NPAS3: variants seen among roughly 807,000 people sequenced by gnomAD.
NPAS3 encodes the protein neuronal PAS domain protein 3.
In NPAS3, 14 loss-of-function variants were observed where a neutral mutation model predicts 73.1. That is an observed-to-expected ratio of 0.19 (90% CI 0.13 to 0.30). The LOEUF (loss-of-function observed/expected upper bound fraction) is 0.30. Among genes scored for constraint, NPAS3 ranks in the 10% least tolerant of loss-of-function variants. The probability of loss-of-function intolerance (pLI) is 1.00; values close to 1 mark genes in which losing one functional copy is unlikely to be tolerated. For missense variants in NPAS3, 1,096 were observed against 1,250.0 expected, an observed-to-expected ratio of 0.88 and a Z score of 1.86; for synonymous variants, 620 against 541.5, an observed-to-expected ratio of 1.14 and a Z score of -2.01.
chr14:33,143,261 G>A (rs2044121006), intron 2 of NPAS3, among the ~76,000 whole-genome samples: 1 of 152,224 alleles, frequency 6.6e-6, no homozygotes, highest in Non-Finnish European at 1.5e-5. Context: ...GGAGGCCAAG[G>A]CGGGTGGATC....
intron 6 of NPAS3, among the ~76,000 whole-genome samples, chr14:33,728,306 G>A (rs755310423): frequency 1.7e-4 from 26 of 152,166 alleles, no homozygotes; most frequent in Non-Finnish European, 3.5e-4. Flanking sequence ...CATATTTTAG[G>A]TGGGTTATTT....
At chr14:33,268,521 T>C (rs1163672740) in intron 3 of NPAS3, among the ~76,000 whole-genome samples, 1 of 152,202 alleles carries the variant, frequency 6.6e-6, no homozygotes, top group Admixed American at 6.5e-5. Flanking sequence ...GATTTCTTTA[T>C]TTCTCCTTTA....
chr14:33,521,892 C>CT (rs1205397587), intron 4 of NPAS3, among the ~76,000 whole-genome samples: 1 of 152,058 alleles, frequency 6.6e-6, no homozygotes, highest in African/African-American at 2.4e-5. Flanking sequence ...GCCGCCGGAG[C>CT]TTTTCTTTTC....
chr14:33,362,739 T>A lies in NPAS3; in HGVS notation c.386-4447T>A, dbSNP rs148844345. 9.9e-4 allele frequency among the ~76,000 whole-genome samples: 150 copies of A among 152,236 alleles called. 1 individual carries two copies. Among genetic ancestry groups the A allele is most frequent in the African/African-American group, 3.3e-3 (137 of 41,530 alleles). ...GTTCCTGAGATACTACCTGCCGAAC[T>A]TTAAGACTACATTTGCCCGTGATGC... On this transcript the variant is annotated intron_variant, in intron 3 of 11. Coordinates refer to ENST00000356141, the Ensembl canonical transcript of NPAS3.
intron 4 of NPAS3, among the ~76,000 whole-genome samples, chr14:33,490,556 T>C (rs1232795922): frequency 3.3e-5 from 5 of 152,106 alleles, no homozygotes; most frequent in Admixed American, 2.0e-4. Flanking sequence ...CATGGAGTTT[T>C]GGAGAAGGGT....
At chr14:33,627,665 A>G (rs768472438) in intron 5 of NPAS3, among the ~76,000 whole-genome samples, 26 of 152,246 alleles carry the variant, frequency 1.7e-4, no homozygotes, top group Admixed American at 5.9e-4. Flanking sequence ...AAGAACATCA[A>G]TAACAAAAAG....
chr14:33,569,899 C>G (rs2056132091), intron 5 of NPAS3, among the ~76,000 whole-genome samples: 1 of 152,170 alleles, frequency 6.6e-6, no homozygotes, highest in Non-Finnish European at 1.5e-5. Context: ...AGTGCTAGCT[C>G]TATCTATGGT....
At position 33,797,872 on chromosome 14, in the gene NPAS3, A is replaced by G. The variant is rs533870921; in HGVS notation, c.1426+291A>G. Among the ~76,000 whole-genome samples the G allele has an allele frequency of 9.2e-5, 14 of 151,820 alleles. No homozygotes were observed. In the East Asian group the frequency reaches 2.3e-3, roughly 25 times the overall value. ...TGTGTGTATATATATACATATATATATATATATGTTTTTGTGTGTATATAT... is the reference window on the plus strand; with the variant it reads ...TGTGTGTATATATATACATATATATGTATATATGTTTTTGTGTGTATATAT... On this transcript the variant is annotated intron_variant, in intron 11 of 11. Coordinates refer to ENST00000356141, the Ensembl canonical transcript of NPAS3.
intron 5 of NPAS3, among the ~76,000 whole-genome samples, chr14:33,636,262 G>A (rs1037349482): frequency 6.6e-6 from 1 of 152,182 alleles, no homozygotes. Context: ...GTGTCTGCCT[G>A]TAATAGGTGT....
intron 2 of NPAS3, among the ~76,000 whole-genome samples, chr14:33,211,139 T>C (rs1952084): frequency 0.9 from 137,688 of 152,242 alleles, 62,941 homozygotes; most frequent in Non-Finnish European, 0.97. Context: ...TAACGACAAC[T>C]TTATAAAGTA....
chr14:33,393,578 C>T (rs532498720), intron 4 of NPAS3, among the ~76,000 whole-genome samples: 2 of 152,240 alleles, frequency 1.3e-5, no homozygotes, highest in Admixed American at 6.5e-5. Flanking sequence ...GGAGAGGAAA[C>T]TTTAATTACT....
intron 3 of NPAS3, among the ~76,000 whole-genome samples, chr14:33,298,624 T>C (rs1047965042): frequency 6.6e-6 from 1 of 152,190 alleles, no homozygotes; most frequent in African/African-American, 2.4e-5. Context: ...TCCTTTCCTA[T>C]ATGTTTTCCC....
chr14:33,095,695 G>A lies in NPAS3; in HGVS notation c.140+39701G>A, dbSNP rs547184813. 4.7e-4 allele frequency among the ~76,000 whole-genome samples: 56 copies of A among 118,638 alleles called. 1 individual carries two copies. In the South Asian group the frequency reaches 0.014, roughly 30 times the overall value. The allele number at this position is 118,638 out of a possible 152,430, so 77.8% of individuals were successfully genotyped here. ...ATTTTTTTTTTTTTTTTGAGAGGGAGTCTCGCTCTGTCGCCCAGGCTGGAG... is the reference window on the plus strand; with the variant it reads ...ATTTTTTTTTTTTTTTTGAGAGGGAATCTCGCTCTGTCGCCCAGGCTGGAG... On this transcript the variant is annotated intron_variant, in intron 2 of 11. Transcript: ENST00000356141.
intron 1 of NPAS3, among the ~76,000 whole-genome samples, chr14:32,977,356 G>GCACGCGCACACA (rs71432100): frequency 7.1e-6 from 1 of 141,448 alleles, no homozygotes; most frequent in Non-Finnish European, 1.5e-5. Context: ...TCTCTGACAC[G>GCACGCGCACACA]CACACACACA....
chr14:33,160,641 T>TAA (rs563075717), intron 2 of NPAS3, among the ~76,000 whole-genome samples: 4 of 141,044 alleles, frequency 2.8e-5, no homozygotes, highest in Admixed American at 7.1e-5. Flanking sequence ...AAAGTATAAT[T>TAA]AAAAAAAAAA....
intron 3 of NPAS3, among the ~76,000 whole-genome samples, chr14:33,354,178 T>A (rs373507490): frequency 2.0e-5 from 3 of 152,142 alleles, no homozygotes; most frequent in African/African-American, 7.2e-5. Context: ...CTTTAAAAAA[T>A]ATCCCTTAAG....
At chr14:33,778,513 G>A in exon 9 of NPAS3, 1 of 1,614,004 alleles carries the variant, frequency 6.2e-7, no homozygotes, top group South Asian at 1.1e-5. Flanking sequence ...GTAGGGAAGA[G>A]ATGCTACCAC....
chr14:33,485,066 G>A (rs771055363), intron 4 of NPAS3, among the ~76,000 whole-genome samples: 4 of 152,276 alleles, frequency 2.6e-5, no homozygotes, highest in Middle Eastern at 3.4e-3. Flanking sequence ...AGTACCTTTG[G>A]AGAGGTAGGT....
chr14:33,021,265 C>G (rs1165785741), intron 1 of NPAS3, among the ~76,000 whole-genome samples: 1 of 152,140 alleles, frequency 6.6e-6, no homozygotes, highest in Admixed American at 6.5e-5. Flanking sequence ...TCAATGCGTA[C>G]AAAGATTAGG....
Sources: gnomAD v4.1 joint callset for allele counts (sites outside exome capture counted in the v4.1 genomes callset) on GRCh38, gnomAD v4.1.1 for gene constraint, MANE v1.5 for transcripts, NCBI Gene and HGNC (gene_info 2026-07-23, HGNC 2026-07-21) for gene names.